Variants in BPIFB4 observed in about 807,000 individuals in gnomAD.
BPIFB4 encodes BPI fold-containing family B member 4.
In BPIFB4, 62 loss-of-function variants were observed where a neutral mutation model predicts 69.2. That is an observed-to-expected ratio of 0.90 (90% CI 0.73 to 1.11). BPIFB4 has a LOEUF of 1.11. Ranked by LOEUF, BPIFB4 falls within the 50% of genes least tolerant of loss-of-function variation. BPIFB4 has a pLI of 0.00. For missense variants in BPIFB4, 789 were observed against 792.0 expected (o/e 1.00, Z 0.04); for synonymous variants, 330 against 332.7 (o/e 0.99, Z 0.09).
intron 1 of BPIFB4, among the ~76,000 whole-genome samples, chr20:33,080,199 T>A (rs1981188367): frequency 6.6e-6 from 1 of 151,860 alleles, no homozygotes; most frequent in East Asian, 1.9e-4. Flanking sequence ...TTGGGGGCGC[T>A]GTGAAGTCCA....
intron 9 of BPIFB4, 30 bp from the exon 10 acceptor site, chr20:33,090,678 C>A: frequency 6.2e-7 from 1 of 1,611,932 alleles, no homozygotes; most frequent in Non-Finnish European, 8.5e-7. Context: ...GGTGAGGGGA[C>A]CTCCCTGTGA....
At chr20:33,104,598 G>A (rs990314221) in intron 15 of BPIFB4, 8 of 524,022 alleles carry the variant, frequency 1.5e-5, no homozygotes, top group Non-Finnish European at 2.7e-5. Flanking sequence ...CTGGGCCTCA[G>A]TCTGCCCATC....
At position 33,097,685 on chromosome 20, in the gene BPIFB4, G is replaced by A. The variant is rs779263020; in HGVS notation, c.1467G>A (p.Val489=). The change falls in exon 13 of 18, where the codon GTG becomes GTA. Residue 489 remains valine (V), a synonymous_variant. Coordinates refer to ENST00000375483, the MANE Select transcript of BPIFB4 (RefSeq NM_182519.3). ...IRIQVLNPPS[V]MLQKDKALVK... ...TCCAGGTGCTGAACCCACCATCTGT[G>A]ATGCTGCAGAAGGACAAAGCGCTGG... The A allele has an allele frequency of 1.2e-6, 2 of 1,614,050 alleles. No individual in the cohort carries two copies. The highest frequency in any genetic ancestry group is 8.5e-7 in the Non-Finnish European group (1 of 1,179,884).
chr20:33,109,730 A>G (rs1335885571), intron 17 of BPIFB4, among the ~76,000 whole-genome samples: 1 of 152,200 alleles, frequency 6.6e-6, no homozygotes, highest in African/African-American at 2.4e-5. Context: ...TTTTTGAAAT[A>G]TAGGTATACA....
At position 33,092,499 on chromosome 20, in the gene BPIFB4, A is replaced by G; in HGVS notation, c.1185A>G (p.Pro395=). Residue 395 remains proline, a synonymous_variant, in exon 11 of 18, where the codon CCA becomes CCG. Coordinates refer to ENST00000375483, the MANE Select transcript of BPIFB4 (RefSeq NM_182519.3). ...GEAGGGLIDY[P]LGWPAVSPKP... is the part of the protein sequence containing the mutation. ...CTGGAGGAGGACTCATCGACTACCC[A>G]TTGGGGTGGCCAGCTGTGTCTCCCA... 10 of 1,613,998 alleles carry G rather than the reference A, an allele frequency of 6.2e-6. No homozygotes were observed. Among genetic ancestry groups the G allele is most frequent in the Non-Finnish European group, 7.6e-6 (9 of 1,179,988 alleles).
chr20:33,097,023 C>A (rs1981774727), intron 12 of BPIFB4, among the ~76,000 whole-genome samples: 1 of 152,130 alleles, frequency 6.6e-6, no homozygotes, highest in African/African-American at 2.4e-5. Context: ...AGCTCAAGTC[C>A]CTCCAGCAAT....
intron 2 of BPIFB4, 101 bp from the exon 3 acceptor site, chr20:33,081,411 C>G: frequency 6.8e-7 from 1 of 1,478,220 alleles, no homozygotes; most frequent in Non-Finnish European, 9.0e-7. Context: ...CTCTGGGTCC[C>G]AGGGTCCTGA....
intron 12 of BPIFB4, among the ~76,000 whole-genome samples, chr20:33,096,576 G>A (rs1600559673): frequency 1.3e-5 from 2 of 152,208 alleles, no homozygotes; most frequent in South Asian, 4.1e-4. Context: ...TGCCCAGTCA[G>A]AATATACTTT....
intron 13 of BPIFB4, among the ~76,000 whole-genome samples, chr20:33,099,589 T>A (rs991164091): frequency 1.3e-5 from 2 of 152,144 alleles, no homozygotes; most frequent in African/African-American, 4.8e-5. Flanking sequence ...TCTCTACCTC[T>A]CTAATGCCAA....
intron 11 of BPIFB4, 73 bp from the exon 12 acceptor site, chr20:33,095,027 A>T: frequency 8.6e-6 from 12 of 1,398,964 alleles, no homozygotes; most frequent in Non-Finnish European, 1.2e-5. Context: ...TAGGAGTTTA[A>T]TCACTGTATT....
intron 7 of BPIFB4, among the ~76,000 whole-genome samples, chr20:33,088,540 ACC>A (rs1981502259): frequency 6.6e-6 from 1 of 152,098 alleles, no homozygotes; most frequent in Admixed American, 6.5e-5. Context: ...TTTACTGAGT[ACC>A]TACTATGTAC....
At chr20:33,107,650 G>T (rs1982107394) in intron 16 of BPIFB4, 94 bp from the exon 17 acceptor site, 3 of 965,426 alleles carry the variant, frequency 3.1e-6, no homozygotes, top group African/African-American at 3.2e-5. Flanking sequence ...AAAGAAAAAA[G>T]AAATTGCCAA....
intron 14 of BPIFB4, among the ~76,000 whole-genome samples, chr20:33,100,724 T>C (rs555153135): frequency 1.3e-5 from 2 of 152,300 alleles, no homozygotes; most frequent in South Asian, 2.1e-4. Context: ...TCAGTAATAA[T>C]GATGCTGGGG....
intron 17 of BPIFB4, among the ~76,000 whole-genome samples, chr20:33,109,986 G>C (rs1301975358): frequency 6.6e-6 from 1 of 152,140 alleles, no homozygotes; most frequent in Non-Finnish European, 1.5e-5. Flanking sequence ...ACATAGTACA[G>C]ACAGTTCCAG....
At chr20:33,108,947 G>T (rs1982155017) in intron 17 of BPIFB4, among the ~76,000 whole-genome samples, 1 of 152,048 alleles carries the variant, frequency 6.6e-6, no homozygotes, top group Admixed American at 6.5e-5. Context: ...CCTCACATTT[G>T]CCCCTCACAT....
intron 14 of BPIFB4, among the ~76,000 whole-genome samples, chr20:33,101,792 T>C (rs901697610): frequency 6.6e-6 from 1 of 152,232 alleles, no homozygotes; most frequent in Non-Finnish European, 1.5e-5. Flanking sequence ...GTGATCTGCC[T>C]GCCTCGGCCT....
intron 9 of BPIFB4, among the ~76,000 whole-genome samples, chr20:33,089,760 C>T (rs111980823): frequency 5.9e-5 from 9 of 152,272 alleles, no homozygotes; most frequent in African/African-American, 1.9e-4. Context: ...GAGGAGCTTC[C>T]ACCAGGGTCT....
At chr20:33,096,473 C>T (rs1981756108) in intron 12 of BPIFB4, among the ~76,000 whole-genome samples, 1 of 152,152 alleles carries the variant, frequency 6.6e-6, no homozygotes, top group African/African-American at 2.4e-5. Context: ...CAGTATTTCG[C>T]CATGTTGACC....
intron 11 of BPIFB4, among the ~76,000 whole-genome samples, chr20:33,094,353 G>A (rs2146409663): frequency 6.6e-6 from 1 of 152,306 alleles, no homozygotes; most frequent in Middle Eastern, 3.4e-3. Flanking sequence ...TAAGAAGCAA[G>A]CCAATTTAAA....
Sources: gnomAD v4.1 joint callset for allele counts (sites outside exome capture counted in the v4.1 genomes callset) on GRCh38, gnomAD v4.1.1 for gene constraint, MANE v1.5 for transcripts, NCBI Gene and HGNC (gene_info 2026-07-23, HGNC 2026-07-21) for gene names.